The following ADSS2 variants were observed in gnomAD, a reference collection of about 807,000 sequenced individuals.
ADSS2 encodes the protein adenylosuccinate synthetase isozyme 2.
In ADSS2, 30 loss-of-function variants were observed where a neutral mutation model predicts 60.0. That is an observed-to-expected ratio of 0.50 (90% CI 0.37 to 0.68). The LOEUF is 0.68. Ranked by LOEUF, ADSS2 falls within the 30% of genes least tolerant of loss-of-function variation. The pLI, the probability that ADSS2 is intolerant of heterozygous loss-of-function variation, is 0.00. For missense variants in ADSS2, 373 were observed against 554.8 expected, an observed-to-expected ratio of 0.67 and a Z score of 3.29; for synonymous variants, 187 against 193.1, an observed-to-expected ratio of 0.97 and a Z score of 0.26.
At chr1:244,439,618 G>A (rs1397558387) in intron 1 of ADSS2, among the ~76,000 whole-genome samples, 5 of 152,142 alleles carry the variant, frequency 3.3e-5, no homozygotes, top group African/African-American at 1.2e-4. Context: ...GCGGTTGGGG[G>A]AAGAGGGGCA....
Position 244,409,533 on chromosome 1 carries a change from G to T in ADSS2, c.*53C>A, listed in dbSNP as rs1241668453. 2 of 1,378,140 alleles carry T rather than the reference G, an allele frequency of 1.5e-6. No homozygotes were observed. Among genetic ancestry groups the T allele is most frequent in the East Asian group, 2.3e-5 (1 of 43,464 alleles). The allele number at this position is 1,378,140 out of a possible 1,614,324, so 85.4% of individuals were successfully genotyped here. On this transcript the variant is annotated 3_prime_UTR_variant, in exon 13 of 13. Transcript: ENST00000366535. ...TGCAGGTCATAAATGAAATATTTAAGAAAGTCTTTTCCCCTCCCTCTCAAG... is the reference window on the plus strand; with the variant it reads ...TGCAGGTCATAAATGAAATATTTAATAAAGTCTTTTCCCCTCCCTCTCAAG...
At chr1:244,413,668 TC>T (rs935991913) in intron 11 of ADSS2, among the ~76,000 whole-genome samples, 7 of 151,436 alleles carry the variant, frequency 4.6e-5, no homozygotes, top group African/African-American at 1.5e-4. Context: ...CATGTGAGAG[TC>T]CCAAGGCTAC....
In ADSS2 at chr1:244,451,157, G is replaced by T. The variant is rs926290913; in HGVS notation, c.183+478C>A. On this transcript the variant is annotated intron_variant, in intron 1 of 12. Coordinates refer to ENST00000366535, the MANE Select transcript of ADSS2 (RefSeq NM_001126.5). The surrounding 1 kb of genome is among the most constrained non-coding windows in gnomAD (Gnocchi z 6.6). ...GGTGAGTCTGATTTCAGGACGTTTCGAAACAATCCACTCCCACTCCGCCGC... is the reference window on the plus strand; with the variant it reads ...GGTGAGTCTGATTTCAGGACGTTTCTAAACAATCCACTCCCACTCCGCCGC... Among the ~76,000 whole-genome samples the T allele has an allele frequency of 1.9e-4, 29 of 152,098 alleles. No individual in the cohort carries two copies. Among genetic ancestry groups the T allele is most frequent in the Non-Finnish European group, 3.7e-4 (25 of 68,012 alleles).
chr1:244,436,600 A>C (rs1337383874), intron 3 of ADSS2, among the ~76,000 whole-genome samples: 1 of 152,200 alleles, frequency 6.6e-6, no homozygotes, highest in Non-Finnish European at 1.5e-5. Flanking sequence ...TTTGTAGATG[A>C]CTAATGTGTA....
chr1:244,448,629 A>G (rs1337517103), intron 1 of ADSS2, among the ~76,000 whole-genome samples: 1 of 152,354 alleles, frequency 6.6e-6, no homozygotes, highest in East Asian at 1.9e-4. Context: ...AAACTACTAT[A>G]GTTAAGAAGT....
chr1:244,451,871 CGAACT>C lies in ADSS2; in HGVS notation c.-59_-55del. The stretch of plus-strand genomic sequence containing the variant: ...GGAGAGGCGGCCGGCGAGGAGTGAG[CGAACT>C]GAACTGCTCTGCGGCCGCCAGCCAC... On this transcript the variant is annotated 5_prime_UTR_variant, in exon 1 of 13. Transcript: ENST00000366535. This position sits in a 1 kb window ranked among gnomAD's most constrained non-coding sequence, Gnocchi z 6.6. 6.8e-7 allele frequency: 1 copy of C among 1,472,756 alleles called. No homozygotes were observed. Among genetic ancestry groups the C allele is most frequent in the South Asian group, 1.3e-5 (1 of 76,510 alleles). 91.2% of individuals were successfully genotyped at this position (1,472,756 alleles called of 1,614,324 possible).
At chr1:244,421,867 G>A (rs902525554) in intron 7 of ADSS2, among the ~76,000 whole-genome samples, 3 of 152,054 alleles carry the variant, frequency 2.0e-5, no homozygotes, top group Non-Finnish European at 4.4e-5. Flanking sequence ...CCAGCTACTC[G>A]GGAGGCTGAG....
intron 3 of ADSS2, among the ~76,000 whole-genome samples, chr1:244,435,849 C>T (rs924727036): frequency 1.3e-5 from 2 of 152,194 alleles, no homozygotes; most frequent in Admixed American, 6.5e-5. Flanking sequence ...ACAGCAGCAG[C>T]ACCAGAGTAT....
At chr1:244,411,562 A>C (rs769798233) in intron 11 of ADSS2, 126 bp from the exon 12 acceptor site, 399 of 958,492 alleles carry the variant, frequency 4.2e-4, no homozygotes, top group Non-Finnish European at 5.9e-4. Flanking sequence ...GGGATTTAGA[A>C]TTCTTCAGGT....
chr1:244,426,715 G>C (rs920567015), intron 4 of ADSS2, among the ~76,000 whole-genome samples: 26 of 151,920 alleles, frequency 1.7e-4, no homozygotes, highest in African/African-American at 6.3e-4. Flanking sequence ...ATCTCCCTGA[G>C]GTCTTTACTC....
chr1:244,423,330 T>G (rs939185935), intron 6 of ADSS2, among the ~76,000 whole-genome samples: 9 of 152,178 alleles, frequency 5.9e-5, no homozygotes, highest in African/African-American at 2.2e-4. Flanking sequence ...AAAGGTGCAC[T>G]GCCAGTGCAG....
rs778015223 is a variant in ADSS2, at chr1:244,451,605, G to A, written c.183+30C>T. 6.9e-6 allele frequency: 11 copies of A among 1,583,080 alleles called. No homozygotes were observed. In the South Asian group the frequency reaches 1.2e-4, roughly 18 times the overall value. On this transcript the variant is annotated intron_variant, in intron 1 of 12. Coordinates refer to ENST00000366535, the MANE Select transcript of ADSS2 (RefSeq NM_001126.5). This position sits in a 1 kb window ranked among gnomAD's most constrained non-coding sequence, Gnocchi z 6.6. ...CCAGGCAGCCCGAGCTCCCGGGCCCGGCTTCCCATGAGAGGCCCCGTCGCC... is the reference window on the plus strand; with the variant it reads ...CCAGGCAGCCCGAGCTCCCGGGCCCAGCTTCCCATGAGAGGCCCCGTCGCC...
intron 3 of ADSS2, among the ~76,000 whole-genome samples, chr1:244,435,050 C>T (rs953762532): frequency 1.3e-5 from 2 of 151,580 alleles, no homozygotes; most frequent in Non-Finnish European, 2.9e-5. Context: ...TGCCTATCGT[C>T]CCAGCTACTC....
chr1:244,432,586 C>G lies in ADSS2; in HGVS notation c.365G>C (p.Gly122Ala), dbSNP rs758766816. The G allele has an allele frequency of 3.8e-6, 6 of 1,573,664 alleles. No individual in the cohort carries two copies. Among genetic ancestry groups the G allele is most frequent in the African/African-American group, 1.4e-5 (1 of 72,762 alleles). ...KNVQKGKGLE[G>A]WEKRLIISDR... The stretch of plus-strand genomic sequence containing the variant: ...AGATATAATAAGCCTTTTTTCCCAG[C>G]CTTCTAGTCCTAGAAAGGGGAAAAA... Residue 122 changes from glycine to alanine, a missense_variant, in exon 4 of 13, where the codon GGC becomes GCC. Coordinates refer to ENST00000366535, the MANE Select transcript of ADSS2 (RefSeq NM_001126.5).
chr1:244,447,511 G>A (rs184108176), intron 1 of ADSS2, among the ~76,000 whole-genome samples: 9 of 152,244 alleles, frequency 5.9e-5, no homozygotes, highest in East Asian at 5.8e-4. Context: ...CTCATTGACC[G>A]AACATTGAGA....
chr1:244,409,576 C>G lies in ADSS2; in HGVS notation c.*10G>C, dbSNP rs763477587. 1 of 1,600,370 alleles carries G rather than the reference C, an allele frequency of 6.2e-7. No homozygotes were observed. Among genetic ancestry groups the G allele is most frequent in the South Asian group, 1.1e-5 (1 of 90,424 alleles). On this transcript the variant is annotated 3_prime_UTR_variant, in exon 13 of 13. Transcript: ENST00000366535. ...CTCTCAAGGAGTGTTTCTTGCATTA[C>G]TGGCAATCATTAAAAGAGTTGAATC...
intron 1 of ADSS2, among the ~76,000 whole-genome samples, chr1:244,450,430 G>A (rs1020699770): frequency 6.6e-6 from 1 of 152,162 alleles, no homozygotes; most frequent in East Asian, 1.9e-4. Flanking sequence ...ACGAAACAAG[G>A]TAAATCAGAG....
chr1:244,414,185 T>TAATA (rs10652281), intron 11 of ADSS2, among the ~76,000 whole-genome samples: 127,795 of 151,634 alleles, frequency 0.84, 53,927 homozygotes, highest in Admixed American at 0.88. Flanking sequence ...CCACAATGTC[T>TAATA]GTCAACCAAT....
At chr1:244,422,136 G>A (rs1664689137) in intron 7 of ADSS2, among the ~76,000 whole-genome samples, 1 of 152,130 alleles carries the variant, frequency 6.6e-6, no homozygotes, top group Admixed American at 6.5e-5. Context: ...CAGACCTAAG[G>A]TCTGCATTTA....
Sources: allele counts gnomAD v4.1 joint callset (sites outside exome capture counted in the v4.1 genomes callset), GRCh38; gene constraint gnomAD v4.1.1; non-coding constraint Gnocchi (gnomAD v3.1); transcripts MANE v1.5; gene names NCBI Gene and HGNC (gene_info 2026-07-23, HGNC 2026-07-21).